Variants in CMSS1 observed in about 807,000 individuals in gnomAD.
The protein encoded by CMSS1 is cms1 ribosomal small subunit homolog.
Under a neutral mutation model 43.5 loss-of-function variants are expected in CMSS1, and 33 were observed. That is an observed-to-expected ratio of 0.76 (90% CI 0.57 to 1.01). CMSS1 has a LOEUF of 1.01. Among genes scored for constraint, CMSS1 ranks in the 50% least tolerant of loss-of-function variants. CMSS1 has a pLI of 0.00. For missense variants in CMSS1, 313 were observed against 326.4 expected (o/e 0.96, Z 0.32); for synonymous variants, 115 against 117.2 (o/e 0.98, Z 0.12).
At chr3:100,089,151 T>C (rs1237759043) in intron 1 of CMSS1, among the ~76,000 whole-genome samples, 1 of 152,220 alleles carries the variant, frequency 6.6e-6, no homozygotes, top group Non-Finnish European at 1.5e-5. Flanking sequence ...TAACATGAAG[T>C]GTCTAGACAT....
rs1576100262 is a variant in CMSS1, at chr3:100,142,529, G to C, written c.65-4444G>C. On this transcript the variant is annotated intron_variant, in intron 1 of 9. Coordinates refer to ENST00000421999, the MANE Select transcript of CMSS1 (RefSeq NM_032359.4). ...CTGTGGATTTTGGTAGGTGAAACAGGTCCTGGAACCAATCCCCCACAGATA... is the reference window on the plus strand; with the variant it reads ...CTGTGGATTTTGGTAGGTGAAACAGCTCCTGGAACCAATCCCCCACAGATA... Among the ~76,000 whole-genome samples the C allele has an allele frequency of 3.9e-5, 6 of 152,168 alleles. No individual in the cohort carries two copies. The South Asian group carries it at 1.2e-3, about 32-fold the overall frequency.
intron 1 of CMSS1, among the ~76,000 whole-genome samples, chr3:99,843,502 A>T (rs1409639118): frequency 1.3e-5 from 2 of 152,206 alleles, no homozygotes; most frequent in Non-Finnish European, 2.9e-5. Context: ...GTCAGAATAC[A>T]TTTGCCAGTG....
intron 1 of CMSS1, among the ~76,000 whole-genome samples, chr3:99,956,094 A>G (rs1708312163): frequency 6.6e-6 from 1 of 152,186 alleles, no homozygotes; most frequent in South Asian, 2.1e-4. Context: ...TCCTGTCAAT[A>G]ATAGATTTAT....
intron 1 of CMSS1, among the ~76,000 whole-genome samples, chr3:99,991,539 G>A (rs938360292): frequency 1.3e-5 from 2 of 151,890 alleles, no homozygotes; most frequent in African/African-American, 4.8e-5. Context: ...GGCTTTTAGT[G>A]TACCCATCAC....
chr3:100,147,213 T>A, intron 2 of CMSS1, 152 bp downstream of exon 2: 1 of 682,658 alleles, frequency 1.5e-6, no homozygotes, highest in Non-Finnish European at 2.2e-6. Context: ...CCATGGGCCA[T>A]GCTTCCTTCA....
At chr3:100,087,379 G>A (rs1053818570) in intron 1 of CMSS1, among the ~76,000 whole-genome samples, 1 of 152,324 alleles carries the variant, frequency 6.6e-6, no homozygotes, top group Middle Eastern at 3.4e-3. Context: ...CAGTGGGTTA[G>A]TTTGGTTTTG....
intron 1 of CMSS1, among the ~76,000 whole-genome samples, chr3:99,868,193 G>A (rs140428223): frequency 6.6e-6 from 1 of 152,278 alleles, no homozygotes; most frequent in African/African-American, 2.4e-5. Context: ...AGATGAGTAA[G>A]ACATTTTTAG....
At chr3:99,870,772 C>A (rs923673689) in intron 1 of CMSS1, among the ~76,000 whole-genome samples, 2 of 152,144 alleles carry the variant, frequency 1.3e-5, no homozygotes, top group South Asian at 4.1e-4. Context: ...ACTGGTTTAC[C>A]CACAGAAACT....
intron 1 of CMSS1, among the ~76,000 whole-genome samples, chr3:100,031,350 G>A (rs2065018617): frequency 1.3e-5 from 2 of 152,022 alleles, no homozygotes; most frequent in African/African-American, 2.4e-5. Context: ...CAATAGAAAT[G>A]TTTCCAAAGT....
At chr3:100,022,827 A>G (rs2064850589) in intron 1 of CMSS1, among the ~76,000 whole-genome samples, 1 of 152,164 alleles carries the variant, frequency 6.6e-6, no homozygotes, top group Admixed American at 6.5e-5. Context: ...AGGCAAAGAG[A>G]GTTGAGGTCC....
At chr3:99,899,692 T>C (rs1706373368) in intron 1 of CMSS1, among the ~76,000 whole-genome samples, 1 of 152,216 alleles carries the variant, frequency 6.6e-6, no homozygotes, top group Admixed American at 6.5e-5. Flanking sequence ...TCCCACCTCC[T>C]TGATTGTGAT....
intron 1 of CMSS1, among the ~76,000 whole-genome samples, chr3:99,897,005 T>A (rs1466591142): frequency 6.6e-6 from 1 of 152,222 alleles, no homozygotes; most frequent in Non-Finnish European, 1.5e-5. Flanking sequence ...GAGAATGATT[T>A]GTTTCTCAGA....
chr3:99,948,001 A>G (rs1260209935), intron 1 of CMSS1, among the ~76,000 whole-genome samples: 1 of 152,258 alleles, frequency 6.6e-6, no homozygotes. Flanking sequence ...CAAAATTAAA[A>G]GCAGAGCTGT....
At chr3:99,822,687 G>A (rs1057180625) in intron 1 of CMSS1, among the ~76,000 whole-genome samples, 24 of 152,132 alleles carry the variant, frequency 1.6e-4, no homozygotes, top group African/African-American at 4.8e-4. Flanking sequence ...AGCCGAGGTC[G>A]TGCCACTGCA....
chr3:99,901,496 GA>G (rs951075262), intron 1 of CMSS1, among the ~76,000 whole-genome samples: 5 of 152,176 alleles, frequency 3.3e-5, no homozygotes, highest in African/African-American at 1.2e-4. Flanking sequence ...GAAACTGATT[GA>G]GTGTTTCAAA....
chr3:100,176,156 G>T (rs915720517), intron 8 of CMSS1, 171 bp from the exon 9 acceptor site: 1 of 550,050 alleles, frequency 1.8e-6, no homozygotes, highest in Non-Finnish European at 3.2e-6. Flanking sequence ...AAGTCTCAGA[G>T]TGCTGCATTT....
intron 1 of CMSS1, among the ~76,000 whole-genome samples, chr3:100,093,904 A>G (rs973297933): frequency 6.6e-6 from 1 of 152,184 alleles, no homozygotes; most frequent in Admixed American, 6.6e-5. Context: ...GGCTATTACA[A>G]ATAAAACCAC....
At chr3:99,978,678 T>G (rs1172664410) in intron 1 of CMSS1, among the ~76,000 whole-genome samples, 1 of 152,108 alleles carries the variant, frequency 6.6e-6, no homozygotes, top group Non-Finnish European at 1.5e-5. Context: ...GTGAATCACA[T>G]GAGGCCAGGA....
intron 1 of CMSS1, among the ~76,000 whole-genome samples, chr3:100,015,441 G>A (rs150477245): frequency 9.9e-5 from 15 of 152,224 alleles, no homozygotes; most frequent in African/African-American, 3.6e-4. Flanking sequence ...ATTTTGATAG[G>A]TATTGCATTG....
Sources: gnomAD v4.1 joint callset for allele counts (sites outside exome capture counted in the v4.1 genomes callset) on GRCh38, gnomAD v4.1.1 for gene constraint, MANE v1.5 for transcripts, NCBI Gene and HGNC (gene_info 2026-07-23, HGNC 2026-07-21) for gene names.